The following MARCHF1 variants were observed in gnomAD, a reference collection of about 807,000 sequenced individuals.
MARCHF1 encodes E3 ubiquitin-protein ligase MARCHF1.
In MARCHF1, 40 loss-of-function variants were observed where a neutral mutation model predicts 54.2. The ratio of observed to expected loss-of-function variants is 0.74; its 90% CI spans 0.57 to 0.96. The LOEUF (loss-of-function observed/expected upper bound fraction) is 0.96. MARCHF1 is among the 40% of genes least tolerant of loss of function. The pLI, the probability that MARCHF1 is intolerant of heterozygous loss-of-function variation, is 0.00. For missense variants in MARCHF1, 586 were observed against 656.5 expected (o/e 0.89, Z 1.17); for synonymous variants, 236 against 236.3 (o/e 1.00, Z 0.01).
At chr4:164,202,528 A>G (rs933015886) in intron 1 of MARCHF1, among the ~76,000 whole-genome samples, 2 of 152,212 alleles carry the variant, frequency 1.3e-5, no homozygotes, top group African/African-American at 4.8e-5. Context: ...TAATTTTCAA[A>G]AAAACCCTTA....
intron 1 of MARCHF1, among the ~76,000 whole-genome samples, chr4:164,113,684 A>G (rs529547218): frequency 1.3e-5 from 2 of 152,102 alleles, no homozygotes; most frequent in South Asian, 4.2e-4. Context: ...TAAATAAATT[A>G]TTCAGGGAGG....
intron 1 of MARCHF1, among the ~76,000 whole-genome samples, chr4:164,192,023 A>G (rs1731137048): frequency 6.6e-6 from 1 of 152,112 alleles, no homozygotes; most frequent in South Asian, 2.1e-4. Flanking sequence ...CCTACATAAA[A>G]CAAACCAACG....
chr4:163,760,636 T>C (rs928290198), intron 4 of MARCHF1, among the ~76,000 whole-genome samples: 1 of 152,188 alleles, frequency 6.6e-6, no homozygotes, highest in Admixed American at 6.6e-5. Flanking sequence ...AGATACAATT[T>C]GCATTAAAAG....
At chr4:163,960,360 G>A (rs1752322117) in intron 3 of MARCHF1, among the ~76,000 whole-genome samples, 1 of 151,916 alleles carries the variant, frequency 6.6e-6, no homozygotes, top group African/African-American at 2.4e-5. Flanking sequence ...GAAGACAAAT[G>A]TTCATTGCAG....
intron 3 of MARCHF1, among the ~76,000 whole-genome samples, chr4:163,860,918 C>T (rs992291320): frequency 2.0e-5 from 3 of 152,054 alleles, no homozygotes; most frequent in Admixed American, 6.5e-5. Context: ...TCTACAACAA[C>T]AAAAAATTAC....
intron 4 of MARCHF1, among the ~76,000 whole-genome samples, chr4:163,803,667 G>T (rs1748145757): frequency 6.6e-6 from 1 of 152,046 alleles, no homozygotes; most frequent in African/African-American, 2.4e-5. Flanking sequence ...TTTACCTAGA[G>T]CTAAAGTCAG....
intron 2 of MARCHF1, among the ~76,000 whole-genome samples, chr4:164,000,909 T>C (rs1753173943): frequency 1.3e-5 from 2 of 151,688 alleles, no homozygotes; most frequent in Non-Finnish European, 1.5e-5. Context: ...GACCTCTGTT[T>C]AGAATTTTTT....
chr4:163,992,913 C>T (rs1752995430), intron 2 of MARCHF1, among the ~76,000 whole-genome samples: 1 of 151,716 alleles, frequency 6.6e-6, no homozygotes, highest in Admixed American at 6.6e-5. Flanking sequence ...GAATATTTCA[C>T]TACAAATCCC....
At chr4:163,766,084 A>G (rs957058883) in intron 4 of MARCHF1, among the ~76,000 whole-genome samples, 2 of 151,768 alleles carry the variant, frequency 1.3e-5, no homozygotes, top group African/African-American at 4.8e-5. Context: ...CAAGCATAAT[A>G]AAAGTCAAAC....
intron 7 of MARCHF1, among the ~76,000 whole-genome samples, chr4:163,594,744 T>G (rs1368571682): frequency 7.8e-6 from 1 of 128,154 alleles, no homozygotes; most frequent in African/African-American, 3.2e-5. Context: ...TCAGAATGGC[T>G]ATTATCAAAA....
chr4:163,774,217 A>G (rs537238320), intron 4 of MARCHF1, among the ~76,000 whole-genome samples: 4 of 152,334 alleles, frequency 2.6e-5, no homozygotes, highest in African/African-American at 9.6e-5. Flanking sequence ...GTGCTATGCA[A>G]ACAGTTGTTA....
intron 1 of MARCHF1, among the ~76,000 whole-genome samples, chr4:164,245,720 T>G (rs1732929737): frequency 6.7e-6 from 1 of 150,196 alleles, no homozygotes; most frequent in African/African-American, 2.5e-5. Flanking sequence ...CAGCCCAAAA[T>G]CTCCTTAAGC....
chr4:163,990,502 G>A (rs1029537980), intron 2 of MARCHF1, among the ~76,000 whole-genome samples: 1 of 152,118 alleles, frequency 6.6e-6, no homozygotes, highest in African/African-American at 2.4e-5. Flanking sequence ...AAAAATAGGT[G>A]CCTCAAACCT....
At chr4:164,150,338 A>G (rs1729896996) in intron 1 of MARCHF1, among the ~76,000 whole-genome samples, 1 of 152,178 alleles carries the variant, frequency 6.6e-6, no homozygotes, top group African/African-American at 2.4e-5. Context: ...CCCAGGGTAT[A>G]AATGCTTCCA....
At chr4:164,049,525 A>G (rs566805090) in intron 2 of MARCHF1, among the ~76,000 whole-genome samples, 11 of 152,326 alleles carry the variant, frequency 7.2e-5, no homozygotes, top group African/African-American at 2.6e-4. Context: ...CACAAGTACT[A>G]AACTGTTCAT....
chr4:163,534,401 A>G (rs973622142), intron 9 of MARCHF1, among the ~76,000 whole-genome samples: 2 of 152,082 alleles, frequency 1.3e-5, no homozygotes, highest in African/African-American at 2.4e-5. Context: ...AACCCTATTA[A>G]TGTTAACTAA....
intron 3 of MARCHF1, among the ~76,000 whole-genome samples, chr4:163,883,527 T>C (rs1750466102): frequency 6.6e-6 from 1 of 152,028 alleles, no homozygotes; most frequent in African/African-American, 2.4e-5. Flanking sequence ...TATTGTACAA[T>C]GTGTGAAGAG....
Position 164,093,397 on chromosome 4 carries a change from A to G in MARCHF1, c.-248+18191T>C, listed in dbSNP as rs527874197. On this transcript the variant is annotated intron_variant, in intron 2 of 9. Transcript: ENST00000514618. ...AGTAGAAATGTCAAAGGCAACCAAT[A>G]CTATTGTTGTGTAGAATTTACACAT... Among the ~76,000 whole-genome samples, 6 of 152,296 alleles carry G rather than the reference A, an allele frequency of 3.9e-5. 1 individual carries two copies. Among genetic ancestry groups the G allele is most frequent in the Admixed American group, 2.6e-4 (4 of 15,280 alleles).
intron 4 of MARCHF1, among the ~76,000 whole-genome samples, chr4:163,838,246 T>C (rs1749243826): frequency 6.6e-6 from 1 of 152,166 alleles, no homozygotes; most frequent in African/African-American, 2.4e-5. Context: ...GTTTAGTATT[T>C]GCATATAACC....
Sources: gnomAD v4.1 joint callset for allele counts (sites outside exome capture counted in the v4.1 genomes callset) on GRCh38, gnomAD v4.1.1 for gene constraint, MANE v1.5 for transcripts, NCBI Gene and HGNC (gene_info 2026-07-23, HGNC 2026-07-21) for gene names.